COIL: variants seen among roughly 807,000 people sequenced by gnomAD.
The protein encoded by COIL is coilin.
In COIL, 28 loss-of-function variants were observed where a neutral mutation model predicts 51.6. That is an observed-to-expected ratio of 0.54 (90% CI 0.40 to 0.74). The LOEUF (loss-of-function observed/expected upper bound fraction) is 0.74. COIL is among the 30% of genes least tolerant of loss of function. COIL has a pLI of 0.00. For synonymous variants in COIL, 233 were observed against 255.8 expected (o/e 0.91, Z 0.85); for missense variants, 667 against 685.9 (o/e 0.97, Z 0.31).
chr17:56,958,295 T>C (rs1324537488), intron 1 of COIL, among the ~76,000 whole-genome samples: 2 of 152,248 alleles, frequency 1.3e-5, no homozygotes, highest in East Asian at 1.9e-4. Flanking sequence ...GACTCATTAT[T>C]TGGGTCCCAG....
chr17:56,947,184 G>A (rs1026061725), intron 4 of COIL, among the ~76,000 whole-genome samples: 3 of 152,118 alleles, frequency 2.0e-5, no homozygotes, highest in African/African-American at 7.2e-5. Context: ...TGGAATTTCT[G>A]AGCACAGTCA....
Position 56,949,753 on chromosome 17 carries a change from T to C in COIL, c.1368A>G (p.Thr456=). ...GTAACAGACTATAGTCCTTCTTGGG[T>C]GTCTCTACTGGATTCTGAAAAACAG... The part of the protein sequence containing the change: ...SSTIIQNPVE[T]PKKDYSLLPL... The change falls in exon 3 of 7, where the codon ACA becomes ACG. Residue 456 remains threonine (T), a synonymous_variant. Coordinates refer to ENST00000240316, the MANE Select transcript of COIL (RefSeq NM_004645.3). 2.5e-6 allele frequency: 4 copies of C among 1,614,156 alleles called. No homozygotes were observed. Among genetic ancestry groups the C allele is most frequent in the Non-Finnish European group, 3.4e-6 (4 of 1,179,970 alleles).
intron 1 of COIL, among the ~76,000 whole-genome samples, chr17:56,954,026 C>T (rs2144402940): frequency 6.6e-6 from 1 of 152,222 alleles, no homozygotes; most frequent in Admixed American, 6.5e-5. Flanking sequence ...CATTTCTGAT[C>T]AATTTGTTTT....
chr17:56,959,464 A>G (rs2144407786), intron 1 of COIL, among the ~76,000 whole-genome samples: 1 of 152,292 alleles, frequency 6.6e-6, no homozygotes, highest in South Asian at 2.1e-4. Flanking sequence ...TCACACTACA[A>G]TTGCTCCTGG....
At chr17:56,940,031 C>T (rs968825981) in intron 6 of COIL, 9 of 152,092 alleles carry the variant, frequency 5.9e-5, no homozygotes, top group Non-Finnish European at 1.3e-4. Flanking sequence ...TCACAGCCCA[C>T]CAAGAGAAAA....
chr17:56,949,588 G>A, intron 3 of COIL, 93 bp downstream of exon 3: 1 of 1,409,976 alleles, frequency 7.1e-7, no homozygotes, highest in Admixed American at 1.7e-5. Context: ...AGTGGGAAGG[G>A]CTTTTACAAA....
intron 6 of COIL, 49 bp from the exon 7 acceptor site, chr17:56,939,203 A>T: frequency 1.0e-6 from 1 of 965,584 alleles, no homozygotes; most frequent in Non-Finnish European, 1.7e-6. Context: ...TTTTGAGGTC[A>T]TACCGGTTAA....
rs752150137 is a variant in COIL at position 56,946,502 on chromosome 17, T to C, written c.1498A>G (p.Ile500Val). ...TGGGTCTCTGGATTGTGGCTTAATA[T>C]TCTTCCTTCCTTTCAAAAATAAAAG... ...PDVSDYKEGR[I>V]LSHNPETQQV... Residue 500 changes from isoleucine (I) to valine (V), a missense_variant, in exon 5 of 7, where the codon ATA (isoleucine) becomes GTA (valine). By Grantham distance (29) the Ile-to-Val change is conservative. Transcript: ENST00000240316. The C allele has an allele frequency of 2.5e-6, 4 of 1,609,654 alleles. No homozygotes were observed. Among genetic ancestry groups the C allele is most frequent in the African/African-American group, 2.7e-5 (2 of 74,854 alleles).
chr17:56,956,142 G>A (rs992204826), intron 1 of COIL, among the ~76,000 whole-genome samples: 2 of 152,208 alleles, frequency 1.3e-5, no homozygotes, highest in African/African-American at 2.4e-5. Context: ...AGAGTGAGGT[G>A]TGGGAAAAAG....
chr17:56,943,955 T>A (rs1460386469), intron 5 of COIL, among the ~76,000 whole-genome samples: 1 of 152,060 alleles, frequency 6.6e-6, no homozygotes, highest in East Asian at 1.9e-4. Context: ...AGCCTCGACC[T>A]CCTGGGCTCA....
intron 5 of COIL, 50 bp from the exon 6 acceptor site, chr17:56,942,173 T>C (rs748099127): frequency 2.9e-6 from 4 of 1,399,420 alleles, no homozygotes; most frequent in Non-Finnish European, 4.1e-6. Flanking sequence ...TTTCAATAGT[T>C]AAAAATGTTC....
At chr17:56,948,720 A>G (rs1910298682) in intron 4 of COIL, among the ~76,000 whole-genome samples, 1 of 150,950 alleles carries the variant, frequency 6.6e-6, no homozygotes, top group Admixed American at 6.7e-5. Flanking sequence ...TGCCAATATA[A>G]AGACTCATAC....
rs916861255 is a variant in COIL at position 56,938,744 on chromosome 17, T to C, written c.*327A>G. 5.6e-6 allele frequency: 1 copy of C among 179,594 alleles called. No homozygotes were observed. Among genetic ancestry groups the C allele is most frequent in the Admixed American group, 6.2e-5 (1 of 16,136 alleles). The allele number at this position is 179,594 out of a possible 1,614,324, so 11.1% of individuals were successfully genotyped here. ...GATACGCAGCACATTCTTGGTATTA[T>C]AAACTCCTACTGACGACTGCTACTT... On this transcript the variant is annotated 3_prime_UTR_variant, in exon 7 of 7. Coordinates refer to ENST00000240316, the MANE Select transcript of COIL (RefSeq NM_004645.3).
intron 6 of COIL, among the ~76,000 whole-genome samples, chr17:56,939,394 G>A (rs908007820): frequency 6.6e-6 from 1 of 151,998 alleles, no homozygotes; most frequent in African/African-American, 2.4e-5. Context: ...AGGAGTTCAA[G>A]ATCAGCCTGG....
At chr17:56,941,849 T>G (rs1379515359) in intron 6 of COIL, among the ~76,000 whole-genome samples, 186 bp downstream of exon 6, 1 of 152,234 alleles carries the variant, frequency 6.6e-6, no homozygotes, top group African/African-American at 2.4e-5. Context: ...GTTTGTTATT[T>G]GTGCATCTTG....
chr17:56,957,289 G>A (rs1910501891), intron 1 of COIL, among the ~76,000 whole-genome samples: 1 of 150,154 alleles, frequency 6.7e-6, no homozygotes, highest in Admixed American at 6.7e-5. Flanking sequence ...AATTCTGAGG[G>A]CTGCACGATT....
Position 56,938,793 on chromosome 17 carries a change from A to G in COIL, c.*278T>C, listed in dbSNP as rs72842329. 3.9e-3 allele frequency: 939 copies of G among 240,142 alleles called. 4 individuals are homozygous for G. Among genetic ancestry groups the G allele is most frequent in the Non-Finnish European group, 6.4e-3 (808 of 126,194 alleles). 14.9% of individuals were successfully genotyped at this position (240,142 alleles called of 1,614,324 possible). A position where few individuals can be genotyped will look rare whatever the true frequency, so the allele number is the denominator to read the frequency against. ...TTGATGGCCAAAAACATTTAAAGAA[A>G]GAGAAGAAACCATACTGGTATACAA... On this transcript the variant is annotated 3_prime_UTR_variant, in exon 7 of 7. Coordinates refer to ENST00000240316, the MANE Select transcript of COIL (RefSeq NM_004645.3).
At chr17:56,953,374 G>A (rs1378728995) in intron 1 of COIL, among the ~76,000 whole-genome samples, 10 of 132,006 alleles carry the variant, frequency 7.6e-5, no homozygotes, top group African/African-American at 2.6e-4. Context: ...TCACACCACT[G>A]TACTCCAGCC....
chr17:56,954,431 T>C (rs3785475), intron 1 of COIL, among the ~76,000 whole-genome samples: 26,238 of 151,784 alleles, frequency 0.17, 2,561 homozygotes, highest in African/African-American at 0.25. Context: ...CATGGTGGCA[T>C]GCGCCTGTAG....
Sources: gnomAD v4.1 joint callset for allele counts (sites outside exome capture counted in the v4.1 genomes callset) on GRCh38, gnomAD v4.1.1 for gene constraint, MANE v1.5 for transcripts, NCBI Gene and HGNC (gene_info 2026-07-23, HGNC 2026-07-21) for gene names.